REV3L: variants seen among roughly 807,000 people sequenced by gnomAD.
REV3L encodes DNA polymerase zeta catalytic subunit.
Under a neutral mutation model 299.4 loss-of-function variants are expected in REV3L, and 69 were observed. The ratio of observed to expected loss-of-function variants is 0.23; its 90% CI spans 0.19 to 0.28. The LOEUF (loss-of-function observed/expected upper bound fraction) is 0.28, where lower values mean the gene tolerates loss of function less well. Ranked by LOEUF, REV3L falls within the 10% of genes least tolerant of loss-of-function variation. The pLI is 1.00. For missense variants in REV3L, 3,128 were observed against 3,693.8 expected (o/e 0.85, Z 3.97); for synonymous variants, 1,238 against 1,271.4 (o/e 0.97, Z 0.56).
intron 29 of REV3L, 112 bp from the exon 30 acceptor site, chr6:111,310,211 A>G (rs1048332620): frequency 1.5e-6 from 2 of 1,312,250 alleles, no homozygotes; most frequent in African/African-American, 1.5e-5. Context: ...ACTACAAAAG[A>G]CAATTTCAAA....
intron 15 of REV3L, among the ~76,000 whole-genome samples, 157 bp from the exon 16 acceptor site, chr6:111,364,135 A>G (rs750600688): frequency 6.6e-6 from 1 of 152,184 alleles, no homozygotes; most frequent in Non-Finnish European, 1.5e-5. Flanking sequence ...GTATTTTATT[A>G]ATGTTATTTT....
intron 31 of REV3L, among the ~76,000 whole-genome samples, 186 bp from the exon 32 acceptor site, chr6:111,300,342 G>A (rs1413215346): frequency 6.6e-6 from 1 of 152,032 alleles, no homozygotes; most frequent in Non-Finnish European, 1.5e-5. Context: ...ATTTCTAAAG[G>A]ATATTATTTT....
chr6:111,307,692 G>T, intron 30 of REV3L, 122 bp from the exon 31 acceptor site: 1 of 855,004 alleles, frequency 1.2e-6, no homozygotes, highest in South Asian at 1.6e-5. Flanking sequence ...TTCAACAAAT[G>T]TTGAGTAGCT....
In REV3L at chr6:111,479,576, C is replaced by A. The variant is rs150606149; in HGVS notation, c.139+3174G>T. Among the ~76,000 whole-genome samples the A allele has an allele frequency of 2.0e-3, 272 of 138,744 alleles. 1 individual carries two copies. Among genetic ancestry groups the A allele is most frequent in the African/African-American group, 6.4e-3 (245 of 38,174 alleles). The allele number at this position is 138,744 out of a possible 152,430, so 91.0% of individuals were successfully genotyped here. ...CCAGGCTGGAGTGCAGTGGCGTGAT[C>A]TTGGCTCACTGCAGCCTCAACCTTC... On this transcript the variant is annotated intron_variant, in intron 1 of 31. Coordinates refer to ENST00000368802, the MANE Select transcript of REV3L (RefSeq NM_001372078.1).
chr6:111,462,912 G>C (rs1042766170), intron 1 of REV3L, among the ~76,000 whole-genome samples: 15 of 151,880 alleles, frequency 9.9e-5, no homozygotes, highest in African/African-American at 2.9e-4. Context: ...ACCCAAACAG[G>C]CTGGTTATAC....
chr6:111,442,457 G>A (rs1014372522), intron 1 of REV3L, among the ~76,000 whole-genome samples: 2 of 152,054 alleles, frequency 1.3e-5, no homozygotes, highest in Admixed American at 6.5e-5. Flanking sequence ...CTTTAGATAC[G>A]CCAGTGTTCC....
rs558080036 is a variant in REV3L, at chr6:111,430,262, A to G, written c.140-13790T>C. 441 of 940,910 alleles carry G rather than the reference A, an allele frequency of 4.7e-4. 2 individuals carry two copies. The African/African-American group carries it at 6.4e-3, about 14-fold the overall frequency. The allele number at this position is 940,910 out of a possible 1,614,324, so 58.3% of individuals were successfully genotyped here. On this transcript the variant is annotated intron_variant, in intron 1 of 31. Transcript: ENST00000368802. Reference sequence around the variant, plus strand: ...TCAAGAAGCTTTGAATCAACTGGCGAGACAATTGCAGAGAAAAGATCCAAG... The same window carrying G: ...TCAAGAAGCTTTGAATCAACTGGCGGGACAATTGCAGAGAAAAGATCCAAG...
chr6:111,374,145 G>A lies in REV3L; in HGVS notation c.4210C>T (p.Arg1404Cys), dbSNP rs1257480569. The change falls in exon 13 of 32, where the codon CGC becomes TGC. Residue 1404 changes from arginine to cysteine, a missense_variant. Physicochemically the swap from Arg to Cys is radical, Grantham distance 180 (BLOSUM62 -3). Coordinates refer to ENST00000368802, the MANE Select transcript of REV3L (RefSeq NM_001372078.1). Reference protein sequence around the residue: ...LSSIGKLSEYRNSLESKLDQA... With the variant: ...LSSIGKLSEYCNSLESKLDQA... ...TCCAGCTTTGATTCTAGGGAATTGC[G>A]ATATTCACTTAACTTTCCGATTGAT... The A allele has an allele frequency of 1.5e-5, 25 of 1,614,006 alleles. No individual in the cohort carries two copies. The highest frequency in any genetic ancestry group is 1.9e-5 in the Non-Finnish European group (23 of 1,179,930).
chr6:111,475,038 T>C (rs1473017132), intron 1 of REV3L, among the ~76,000 whole-genome samples: 2 of 151,496 alleles, frequency 1.3e-5, no homozygotes, highest in African/African-American at 2.4e-5. Context: ...GATTTTATTA[T>C]AATAAAGAAT....
intron 1 of REV3L, among the ~76,000 whole-genome samples, chr6:111,465,694 G>C (rs117103128): frequency 1.6e-5 from 2 of 126,096 alleles, no homozygotes; most frequent in Non-Finnish European, 3.1e-5. Context: ...GATCGCGCCC[G>C]AGCACTCTAG....
intron 1 of REV3L, among the ~76,000 whole-genome samples, chr6:111,458,726 A>G (rs898155638): frequency 3.3e-5 from 5 of 152,072 alleles, no homozygotes; most frequent in Non-Finnish European, 7.4e-5. Flanking sequence ...CATCTAATGA[A>G]AGTAGTGAAA....
At chr6:111,361,159 G>A (rs1778613131) in intron 16 of REV3L, 1 of 151,966 alleles carries the variant, frequency 6.6e-6, no homozygotes, top group Non-Finnish European at 1.5e-5. Context: ...TGAGGCAGGT[G>A]GATCACCTGA....
chr6:111,322,279 A>G (rs1230105327), intron 26 of REV3L, among the ~76,000 whole-genome samples: 1 of 152,220 alleles, frequency 6.6e-6, no homozygotes, highest in Non-Finnish European at 1.5e-5. Flanking sequence ...CTTTAAATAA[A>G]CTAGACTCCT....
rs1456156439 is a variant in REV3L, at chr6:111,372,896, G to A, written c.5459C>T (p.Ala1820Val). ...SLDSANTSFT[A>V]ILSSPDGELV... Reference sequence around the variant, plus strand: ...TTCACCATCAGGGGAGGAGAGTATTGCAGTAAAAGAGGTATTGGCTGAGTC... The same window carrying A: ...TTCACCATCAGGGGAGGAGAGTATTACAGTAAAAGAGGTATTGGCTGAGTC... Residue 1820 changes from alanine (A) to valine (V), a missense_variant, in exon 13 of 32, where the codon GCA (alanine) becomes GTA (valine). Transcript: ENST00000368802. The A allele has an allele frequency of 4.3e-6, 7 of 1,613,954 alleles. No homozygotes were observed. Among genetic ancestry groups the A allele is most frequent in the African/African-American group, 4.0e-5 (3 of 74,938 alleles).
rs781524143 is a variant in REV3L, at chr6:111,482,824, G to A, written c.65C>T (p.Thr22Ile). Residue 22 changes from threonine (T) to isoleucine (I), a missense_variant, in exon 1 of 32, where the codon ACC becomes ATC. Physicochemically the swap from Thr to Ile is moderately conservative, Grantham distance 89. This residue lies in a region of REV3L where 48 missense variants were observed against 42.8 expected (regional missense o/e 1.12). Coordinates refer to ENST00000368802, the MANE Select transcript of REV3L (RefSeq NM_001372078.1). ...YMASPLQGLD[T>I]CQSPLTQAPV... ...GGCCTGGGTGAGGGGGGATTGGCAG[G>A]TATCCAGCCCCTGCAGCGGGCTGGC... The A allele has an allele frequency of 1.5e-5, 22 of 1,506,568 alleles. No individual in the cohort carries two copies. The East Asian group carries it at 2.4e-4, about 17-fold the overall frequency. 93.3% of individuals were successfully genotyped at this position (1,506,568 alleles called of 1,614,324 possible).
intron 10 of REV3L, 51 bp downstream of exon 10, chr6:111,381,274 C>T (rs755011058): frequency 2.6e-5 from 41 of 1,591,048 alleles, no homozygotes; most frequent in Middle Eastern, 1.7e-4. Flanking sequence ...TCACAACACA[C>T]ATTTTCTCTG....
Position 111,303,063 on chromosome 6 carries a change from CT to C in REV3L, c.9253-2908del, listed in dbSNP as rs899700979. On this transcript the variant is annotated intron_variant, in intron 31 of 31. Coordinates refer to ENST00000368802, the MANE Select transcript of REV3L (RefSeq NM_001372078.1). ...ACAGAATTTACAAGTGGAAGGATCA[CT>C]TTTTTTTTTAGTTTGTAATTAATTA... Among the ~76,000 whole-genome samples the C allele has an allele frequency of 4.0e-4, 58 of 145,558 alleles. 1 individual carries two copies. The highest frequency in any genetic ancestry group is 1.1e-3 in the South Asian group (5 of 4,600).
intron 2 of REV3L, chr6:111,412,394 A>C (rs1296689419): frequency 3.4e-6 from 1 of 296,762 alleles, no homozygotes; most frequent in Non-Finnish European, 5.0e-6. Flanking sequence ...TTTCAGGAGG[A>C]TCTGAAACTA....
intron 4 of REV3L, among the ~76,000 whole-genome samples, chr6:111,400,629 T>C (rs531159139): frequency 6.9e-4 from 105 of 152,224 alleles, no homozygotes; most frequent in Non-Finnish European, 1.2e-3. Context: ...TATCAGATTG[T>C]AATTTGCAAA....
Sources: gnomAD v4.1 joint callset for allele counts (sites outside exome capture counted in the v4.1 genomes callset) on GRCh38, gnomAD v4.1.1 for gene constraint, gnomAD v4.1.1 regional missense constraint, MANE v1.5 for transcripts, NCBI Gene and HGNC (gene_info 2026-07-23, HGNC 2026-07-21) for gene names.